The following TDRD12 variants were observed in gnomAD, a reference collection of about 807,000 sequenced individuals.
TDRD12 encodes putative ATP-dependent RNA helicase TDRD12.
TDRD12 carries 158 observed loss-of-function variants against 133.5 expected under a neutral mutation model. The ratio of observed to expected loss-of-function variants is 1.18; its 90% CI spans 1.04 to 1.35. TDRD12 has a LOEUF of 1.35. Among genes scored for constraint, TDRD12 ranks in the 40% most tolerant of loss-of-function variants. TDRD12 has a pLI of 0.00. For missense variants in TDRD12, 1,443 were observed against 1,321.3 expected, an observed-to-expected ratio of 1.09 and a Z score of -1.43; for synonymous variants, 460 against 477.9, an observed-to-expected ratio of 0.96 and a Z score of 0.49.
intron 11 of TDRD12, among the ~76,000 whole-genome samples, chr19:32,787,369 A>G (rs1373186246): frequency 6.6e-6 from 1 of 152,224 alleles, no homozygotes; most frequent in Non-Finnish European, 1.5e-5. Flanking sequence ...GTCAGGCTAC[A>G]CATGAGTCAG....
chr19:32,822,335 G>A (rs1967427491), downstream of TDRD12, among the ~76,000 whole-genome samples: 1 of 152,196 alleles, frequency 6.6e-6, no homozygotes. Context: ...GGGAGGCTGA[G>A]GCAATAGAAT....
chr19:32,827,354 A>C, exon 10 of TDRD12: 1 of 448,902 alleles, frequency 2.2e-6, no homozygotes, highest in Non-Finnish European at 3.1e-6. Context: ...TCATAACCAA[A>C]TCTTTTTCTT....
chr19:32,724,877 G>A (rs927409494), intron 1 of TDRD12, among the ~76,000 whole-genome samples: 13 of 152,122 alleles, frequency 8.5e-5, no homozygotes, highest in Admixed American at 8.5e-4. Context: ...CCAGCCATCT[G>A]TTGTTTCTTG....
At chr19:32,820,988 G>C (rs1967363872) in intron 27 of TDRD12, 45 bp from the exon 28 acceptor site, 11 of 1,481,268 alleles carry the variant, frequency 7.4e-6, no homozygotes, top group Non-Finnish European at 8.2e-6. Context: ...CACTTGGGCA[G>C]TTCCTGTAGA....
At position 32,752,844 on chromosome 19, in the gene TDRD12, G is replaced by A. The variant is rs1461358026; in HGVS notation, c.582+2975G>A. ...GTCTCACTCTGTCGCTCAGGCTGGAGTGCACTGGCGCGATCTCGGCTCACT... is the reference window on the plus strand; with the variant it reads ...GTCTCACTCTGTCGCTCAGGCTGGAATGCACTGGCGCGATCTCGGCTCACT... On this transcript the variant is annotated intron_variant, in intron 6 of 27. Coordinates refer to ENST00000444215, the Ensembl canonical transcript of TDRD12. 4.1e-5 allele frequency among the ~76,000 whole-genome samples: 6 copies of A among 145,570 alleles called. No homozygotes were observed. The Admixed American group carries it at 4.2e-4, about 10-fold the overall frequency.
intron 1 of TDRD12, among the ~76,000 whole-genome samples, chr19:32,726,607 C>T (rs1373083552): frequency 1.3e-5 from 2 of 151,832 alleles, no homozygotes; most frequent in African/African-American, 4.8e-5. Flanking sequence ...CTTTTGAAGC[C>T]CAGTGCAGTG....
chr19:32,777,855 ATATTTTTTTT>A (rs1970650579), intron 11 of TDRD12, among the ~76,000 whole-genome samples: 2 of 14,302 alleles, frequency 1.4e-4, no homozygotes, highest in African/African-American at 6.3e-4. Flanking sequence ...ATATATATAT[ATATTTTTTTT>A]TTTTTTTTTT....
intron 9 of TDRD12, among the ~76,000 whole-genome samples, chr19:32,773,061 C>G (rs759400781): frequency 5.3e-5 from 8 of 152,302 alleles, no homozygotes; most frequent in Non-Finnish European, 1.2e-4. Flanking sequence ...AGCTCTTGTT[C>G]TCGGCCTAGT....
At chr19:32,722,098 G>A (rs1225682446) in intron 1 of TDRD12, among the ~76,000 whole-genome samples, 1 of 152,164 alleles carries the variant, frequency 6.6e-6, no homozygotes, top group African/African-American at 2.4e-5. Flanking sequence ...ACAAATGTTT[G>A]AGGAAGCTGA....
chr19:32,811,264 C>T, exon 24 of TDRD12: 1 of 1,536,084 alleles, frequency 6.5e-7, no homozygotes, highest in Non-Finnish European at 8.7e-7. Flanking sequence ...TGGATGACAT[C>T]CTTGTAGAGT....
intron 6 of TDRD12, among the ~76,000 whole-genome samples, chr19:32,755,490 A>T (rs926300216): frequency 6.6e-6 from 1 of 152,238 alleles, no homozygotes; most frequent in Non-Finnish European, 1.5e-5. Context: ...ACTTTGATGA[A>T]GCAGACATTC....
At chr19:32,815,735 C>A in intron 26 of TDRD12, 115 bp downstream of exon 26, 3 of 1,019,130 alleles carry the variant, frequency 2.9e-6, no homozygotes, top group South Asian at 1.7e-5. Context: ...GTGGCTCACA[C>A]CTGTAATCCC....
At chr19:32,807,283 A>AAAAG (rs1167613160) in intron 21 of TDRD12, among the ~76,000 whole-genome samples, 1 of 148,944 alleles carries the variant, frequency 6.7e-6, no homozygotes, top group African/African-American at 2.5e-5. Flanking sequence ...AAAAAAAAAA[A>AAAAG]AAAAAAAAAA....
intron 9 of TDRD12, 44 bp from the exon 33 acceptor site, chr19:32,827,120 C>A: frequency 1.9e-6 from 2 of 1,076,824 alleles, no homozygotes; most frequent in Non-Finnish European, 2.4e-6. Flanking sequence ...TAAAGATTTG[C>A]TGATTAGTCT....
intron 6 of TDRD12, among the ~76,000 whole-genome samples, chr19:32,755,615 C>A (rs889171230): frequency 3.3e-5 from 5 of 152,228 alleles, no homozygotes; most frequent in Admixed American, 3.3e-4. Flanking sequence ...AATTTTGCCT[C>A]ATCTGTTTAT....
intron 1 of TDRD12, among the ~76,000 whole-genome samples, chr19:32,731,069 A>C (rs1165171722): frequency 6.6e-6 from 1 of 152,202 alleles, no homozygotes; most frequent in African/African-American, 2.4e-5. Context: ...AACAATGAAA[A>C]TCTTGGCTTC....
exon 9 of TDRD12, chr19:32,772,786 G>A: frequency 6.6e-7 from 1 of 1,517,026 alleles, no homozygotes; most frequent in Non-Finnish European, 8.8e-7. Flanking sequence ...GATTCATTGA[G>A]AGATTCACCT....
chr19:32,802,163 GATA>G (rs1004874875), intron 19 of TDRD12, among the ~76,000 whole-genome samples: 17 of 140,040 alleles, frequency 1.2e-4, no homozygotes, highest in Non-Finnish European at 2.4e-4. Context: ...ATATATATAT[GATA>G]ATATATATCA....
intron 27 of TDRD12, among the ~76,000 whole-genome samples, chr19:32,819,711 A>G (rs1287611552): frequency 1.3e-5 from 2 of 152,152 alleles, no homozygotes; most frequent in African/African-American, 4.8e-5. Flanking sequence ...GCTCCTGGAG[A>G]ACAGGGGATC....
Sources: gnomAD v4.1 joint callset for allele counts (sites outside exome capture counted in the v4.1 genomes callset) on GRCh38, gnomAD v4.1.1 for gene constraint, MANE v1.5 for transcripts, NCBI Gene and HGNC (gene_info 2026-07-23, HGNC 2026-07-21) for gene names.